Variants in USP48 observed in about 807,000 individuals in gnomAD.
USP48 encodes ubiquitin carboxyl-terminal hydrolase 48.
A neutral mutation model predicts 150.7 loss-of-function variants in USP48; 43 were observed. The ratio of observed to expected loss-of-function variants is 0.29; its 90% confidence interval spans 0.22 to 0.37. The LOEUF is 0.37. Ranked by LOEUF, USP48 falls within the 10% of genes least tolerant of loss-of-function variation. The probability of loss-of-function intolerance (pLI) is 1.00; values close to 1 mark genes in which losing one functional copy is unlikely to be tolerated. For synonymous variants in USP48, 396 were observed against 425.9 expected (o/e 0.93, Z 0.86); for missense variants, 813 against 1,249.6 (o/e 0.65, Z 5.27).
intron 8 of USP48, among the ~76,000 whole-genome samples, chr1:21,745,739 A>G (rs900238846): frequency 1.3e-5 from 2 of 152,210 alleles, no homozygotes; most frequent in Admixed American, 6.5e-5. Flanking sequence ...AAACTCATCC[A>G]GTCAAGTCAA....
At chr1:21,718,598 G>A (rs533035402) in intron 14 of USP48, among the ~76,000 whole-genome samples, 16 of 149,406 alleles carry the variant, frequency 1.1e-4, no homozygotes, top group Non-Finnish European at 1.0e-4. Context: ...GTGCTCTGTC[G>A]CCCAGGCTGG....
intron 14 of USP48, among the ~76,000 whole-genome samples, chr1:21,716,003 CCCA>C (rs2097703157): frequency 6.6e-6 from 1 of 152,212 alleles, no homozygotes; most frequent in African/African-American, 2.4e-5. Context: ...ATGTCTTCCA[CCCA>C]CAAGTTTAAT....
intron 5 of USP48, 69 bp from the exon 6 acceptor site, chr1:21,751,684 T>A: frequency 8.6e-7 from 1 of 1,163,912 alleles, no homozygotes; most frequent in East Asian, 2.4e-5. Context: ...TTGTATTACA[T>A]CCTAGAAAGA....
At chr1:21,742,227 C>T (rs2097783457) in intron 8 of USP48, among the ~76,000 whole-genome samples, 1 of 152,110 alleles carries the variant, frequency 6.6e-6, no homozygotes, top group Non-Finnish European at 1.5e-5. Flanking sequence ...GCCTATCTTC[C>T]TAACCTCAGG....
In USP48 at chr1:21,756,573, G is replaced by A. The variant is rs1435056023; in HGVS notation, c.385C>T (p.Leu129=). The A allele has an allele frequency of 5.0e-6, 8 of 1,588,912 alleles. No homozygotes were observed. Among genetic ancestry groups the A allele is most frequent in the Non-Finnish European group, 6.0e-6 (7 of 1,172,140 alleles). ...LCPSTCSDYM[L]GDGIQEEKDY... ...TTTTCTTCTTGGATGCCGTCTCCCA[G>A]CATGTAGTCACTACAAGTGCTTGGA... The change falls in exon 3 of 27, where the codon CTG becomes TTG. Residue 129 remains leucine (L), a synonymous_variant. Transcript: ENST00000308271.
chr1:21,736,249 G>A (rs1384154424), intron 9 of USP48, among the ~76,000 whole-genome samples, 197 bp downstream of exon 9: 2 of 152,152 alleles, frequency 1.3e-5, no homozygotes, highest in Admixed American at 6.6e-5. Flanking sequence ...TCCAGCCTGG[G>A]CAAGAGAGTA....
At chr1:21,752,482 T>A (rs754870770) in intron 5 of USP48, 45 bp downstream of exon 5, 10 of 1,595,240 alleles carry the variant, frequency 6.3e-6, no homozygotes, top group South Asian at 1.2e-5. Flanking sequence ...TATGAGCAAC[T>A]GTCTTAGAAT....
intron 8 of USP48, among the ~76,000 whole-genome samples, chr1:21,746,535 C>T: frequency 6.6e-6 from 1 of 152,286 alleles, no homozygotes; most frequent in African/African-American, 2.4e-5. Flanking sequence ...TCTAGTAAGA[C>T]TCAACCTGTT....
chr1:21,756,729 T>C lies in USP48; in HGVS notation c.256-27A>G, dbSNP rs1477778490. Reference sequence around the variant, plus strand: ...TACAAAAATACAAAATTCATAATTATAAAACCCATTTTCCTTTAAACAACC... The same window carrying C: ...TACAAAAATACAAAATTCATAATTACAAAACCCATTTTCCTTTAAACAACC... On this transcript the variant is annotated intron_variant, in intron 2 of 26. Transcript: ENST00000308271. 1.9e-5 allele frequency: 30 copies of C among 1,609,526 alleles called. No individual in the cohort carries two copies. The East Asian group carries it at 6.3e-4, about 34-fold the overall frequency.
At chr1:21,779,657 A>G (rs1021308421) in intron 1 of USP48, among the ~76,000 whole-genome samples, 1 of 152,180 alleles carries the variant, frequency 6.6e-6, no homozygotes. Context: ...CACAAAAACT[A>G]CTACACTAAT....
chr1:21,744,425 C>A (rs1037165646), intron 8 of USP48, among the ~76,000 whole-genome samples: 1 of 148,542 alleles, frequency 6.7e-6, no homozygotes, highest in Non-Finnish European at 1.5e-5. Context: ...CCAGCCTGGG[C>A]GACGCAAAAT....
intron 8 of USP48, among the ~76,000 whole-genome samples, chr1:21,742,985 G>A (rs934203145): frequency 6.6e-6 from 1 of 151,808 alleles, no homozygotes; most frequent in South Asian, 2.1e-4. Flanking sequence ...ATAAAAACTG[G>A]GTGTTTTTAA....
At chr1:21,777,972 C>CA (rs34374350) in intron 1 of USP48, among the ~76,000 whole-genome samples, 44 of 118,890 alleles carry the variant, frequency 3.7e-4, no homozygotes, top group Middle Eastern at 8.3e-3. Flanking sequence ...CTAAATATAC[C>CA]AAAAAAAAAA....
chr1:21,704,840 G>T (rs1433890382), intron 19 of USP48, among the ~76,000 whole-genome samples: 3 of 152,072 alleles, frequency 2.0e-5, no homozygotes, highest in Non-Finnish European at 4.4e-5. Flanking sequence ...AAGCACTGTG[G>T]GGCCTTTAAT....
At chr1:21,743,879 A>G (rs1438434251) in intron 8 of USP48, among the ~76,000 whole-genome samples, 1 of 152,224 alleles carries the variant, frequency 6.6e-6, no homozygotes, top group East Asian at 1.9e-4. Context: ...AACTTCAACT[A>G]TAGAAGGACA....
chr1:21,756,740 T>C (rs756492748), intron 2 of USP48, 38 bp from the exon 3 acceptor site: 32 of 1,605,292 alleles, frequency 2.0e-5, no homozygotes, highest in Non-Finnish European at 2.6e-5. Flanking sequence ...AAAACCCATT[T>C]TCCTTTAAAC....
At chr1:21,719,010 T>G (rs978603697) in intron 14 of USP48, among the ~76,000 whole-genome samples, 1 of 152,110 alleles carries the variant, frequency 6.6e-6, no homozygotes, top group African/African-American at 2.4e-5. Flanking sequence ...CTCACACCTG[T>G]AATCCTAGCA....
chr1:21,729,944 C>A, intron 9 of USP48, 112 bp from the exon 10 acceptor site: 1 of 1,321,106 alleles, frequency 7.6e-7, no homozygotes, highest in South Asian at 1.5e-5. Flanking sequence ...CACATTAACA[C>A]CAATCTAAAA....
chr1:21,763,793 T>C (rs929161343), intron 1 of USP48, among the ~76,000 whole-genome samples: 2 of 142,458 alleles, frequency 1.4e-5, no homozygotes, highest in African/African-American at 5.1e-5. Flanking sequence ...CCAACCCTGG[T>C]AACTAGAGAG....
Sources: allele counts gnomAD v4.1 joint callset (sites outside exome capture counted in the v4.1 genomes callset), GRCh38; gene constraint gnomAD v4.1.1; transcripts MANE v1.5; gene names NCBI Gene and HGNC (gene_info 2026-07-23, HGNC 2026-07-21).